Variants in OXNAD1 observed in about 807,000 individuals in gnomAD.
OXNAD1 encodes oxidoreductase NAD binding domain containing 1.
In OXNAD1, 34 loss-of-function variants were observed where a neutral mutation model predicts 32.9. The observed-to-expected ratio is 1.03, with a 90% CI of 0.79 to 1.38. The LOEUF (loss-of-function observed/expected upper bound fraction) is 1.38. OXNAD1 is among the 40% of genes most tolerant of loss of function. The probability of loss-of-function intolerance (pLI) is 0.00; values close to 1 mark genes in which losing one functional copy is unlikely to be tolerated. For synonymous variants in OXNAD1, 134 were observed against 135.2 expected (o/e 0.99, Z 0.06); for missense variants, 407 against 379.4 (o/e 1.07, Z -0.60).
At chr3:16,295,087 C>G in intron 6 of OXNAD1, 90 bp downstream of exon 6, 1 of 1,422,600 alleles carries the variant, frequency 7.0e-7, no homozygotes, top group African/African-American at 1.4e-5. Context: ...ACCTAAGAAA[C>G]CTGGGCTTGA....
At position 16,348,559 on chromosome 3, in the gene OXNAD1, A is replaced by C. The variant is rs2071887605; in HGVS notation, c.*31-617A>C. On this transcript the variant is annotated intron_variant, in intron 9 of 9. Transcript: ENST00000606098. This position sits in a 1 kb window ranked among gnomAD's most constrained non-coding sequence, Gnocchi z 6.3. Reference sequence around the variant, plus strand: ...CTCTCCCAGGGCACTTCTGGTCAGCAGGGCACAATTAGCCTTGAATGCCTT... The same window carrying C: ...CTCTCCCAGGGCACTTCTGGTCAGCCGGGCACAATTAGCCTTGAATGCCTT... Among the ~76,000 whole-genome samples, 1 of 152,106 alleles carries C rather than the reference A, an allele frequency of 6.6e-6. No individual in the cohort carries two copies. Among genetic ancestry groups the C allele is most frequent in the Admixed American group, 6.5e-5 (1 of 15,278 alleles).
At chr3:16,326,737 G>A (rs541489584) in intron 9 of OXNAD1, 1 of 1,476,952 alleles carries the variant, frequency 6.8e-7, no homozygotes, top group Admixed American at 1.7e-5. Context: ...CAGAGTAAGT[G>A]TTCAATAGAA....
intron 9 of OXNAD1, chr3:16,323,507 C>A: frequency 7.7e-7 from 1 of 1,299,350 alleles, no homozygotes; most frequent in Non-Finnish European, 1.1e-6. Flanking sequence ...TAGAGGAACC[C>A]AAAACCTGAC....
chr3:16,301,046 C>T lies in OXNAD1; in HGVS notation c.433-580C>T, dbSNP rs137951191. ...TATGTGATACTCCCTAGTATGAAGC[C>T]TCTGGCTGCCTGTTCTTGTTTCTCT... is the stretch of plus-strand genomic sequence containing the variant. On this transcript the variant is annotated intron_variant, in intron 6 of 8. Coordinates refer to ENST00000285083, the MANE Select transcript of OXNAD1 (RefSeq NM_138381.5). The surrounding 1 kb of genome is among the most constrained non-coding windows in gnomAD (Gnocchi z 4.1). Among the ~76,000 whole-genome samples, 261 of 152,298 alleles carry T rather than the reference C, an allele frequency of 1.7e-3. No individual in the cohort carries two copies. The highest frequency in any genetic ancestry group is 6.0e-3 in the African/African-American group (251 of 41,550).
downstream of OXNAD1, among the ~76,000 whole-genome samples, chr3:16,350,477 A>C (rs1350200124): frequency 6.7e-6 from 1 of 149,118 alleles, no homozygotes; most frequent in Non-Finnish European, 1.5e-5. Flanking sequence ...AATGAGCTCA[A>C]GCTGAGATGA....
chr3:16,302,578 T>C lies in OXNAD1; in HGVS notation c.676-62T>C. 1 of 1,114,548 alleles carries C rather than the reference T, an allele frequency of 9.0e-7. No individual in the cohort carries two copies. Among genetic ancestry groups the C allele is most frequent in the Non-Finnish European group, 1.3e-6 (1 of 749,918 alleles). The allele number at this position is 1,114,548 out of a possible 1,614,324, so 69.0% of individuals were successfully genotyped here. On this transcript the variant is annotated intron_variant, in intron 7 of 8. Coordinates refer to ENST00000285083, the MANE Select transcript of OXNAD1 (RefSeq NM_138381.5). The surrounding 1 kb of genome is among the most constrained non-coding windows in gnomAD (Gnocchi z 4.2). ...GGGAGTTGAGGTTCAGCGTCAATGG[T>C]TGTGCACATCTGTTTTGATTTTTTA... is the stretch of plus-strand genomic sequence containing the variant.
At chr3:16,319,127 GTC>G (rs2068757792) in intron 9 of OXNAD1, among the ~76,000 whole-genome samples, 1 of 152,184 alleles carries the variant, frequency 6.6e-6, no homozygotes, top group South Asian at 2.1e-4. Flanking sequence ...AAATGTAAGA[GTC>G]TCTCCTTTTT....
chr3:16,309,289 G>C (rs1255008897), downstream of OXNAD1, among the ~76,000 whole-genome samples: 1 of 152,132 alleles, frequency 6.6e-6, no homozygotes, highest in Non-Finnish European at 1.5e-5. Context: ...ACATACTCCT[G>C]TAGAATTACT....
intron 4 of OXNAD1, among the ~76,000 whole-genome samples, chr3:16,285,699 G>A (rs192889143): frequency 7.2e-5 from 11 of 152,244 alleles, no homozygotes; most frequent in African/African-American, 2.2e-4. Context: ...TCTTTTTATT[G>A]TTAAGATTGT....
Position 16,319,290 on chromosome 3 carries a change from C to T in OXNAD1, c.*30+15698C>T, listed in dbSNP as rs539481691. ...GAAGTCAGAGGAAGTTTTACTGTTGCCAAAAAAGTGGTGATTGTTTTGGCT... is the reference window on the plus strand; with the variant it reads ...GAAGTCAGAGGAAGTTTTACTGTTGTCAAAAAAGTGGTGATTGTTTTGGCT... On this transcript the variant is annotated intron_variant, in intron 9 of 9. Transcript: ENST00000435829. 4.6e-5 allele frequency among the ~76,000 whole-genome samples: 7 copies of T among 152,256 alleles called. No individual in the cohort carries two copies. In the East Asian group the frequency reaches 1.3e-3, roughly 29 times the overall value.
At position 16,302,889 on chromosome 3, in the gene OXNAD1, A is replaced by C; in HGVS notation, c.784+141A>C. ...GGGGAATTGGGATGATTCCTCATGG[A>C]AAAATGGATATTTAGTTGGGTTTAC... On this transcript the variant is annotated intron_variant, in intron 8 of 8. Transcript: ENST00000285083. The surrounding 1 kb of genome is among the most constrained non-coding windows in gnomAD (Gnocchi z 4.2). 1.4e-6 allele frequency: 1 copy of C among 692,952 alleles called. No individual in the cohort carries two copies. The highest frequency in any genetic ancestry group is 2.5e-6 in the Non-Finnish European group (1 of 397,668). The allele number at this position is 692,952 out of a possible 1,614,324, so 42.9% of individuals were successfully genotyped here.
In OXNAD1 at chr3:16,297,614, T is replaced by G. The variant is rs2066891535; in HGVS notation, c.432+2617T>G. Among the ~76,000 whole-genome samples, 1 of 152,158 alleles carries G rather than the reference T, an allele frequency of 6.6e-6. No homozygotes were observed. Among genetic ancestry groups the G allele is most frequent in the Non-Finnish European group, 1.5e-5 (1 of 68,032 alleles). Reference sequence around the variant, plus strand: ...AACAACCCAAATGTCCCTCAGCAGGTGAATGGATAACTTGTGATATAGTCA... The same window carrying G: ...AACAACCCAAATGTCCCTCAGCAGGGGAATGGATAACTTGTGATATAGTCA... On this transcript the variant is annotated intron_variant, in intron 6 of 8. Transcript: ENST00000285083. This position sits in a 1 kb window ranked among gnomAD's most constrained non-coding sequence, Gnocchi z 4.3.
chr3:16,299,705 C>T lies in OXNAD1; in HGVS notation c.433-1921C>T, dbSNP rs1159144772. On this transcript the variant is annotated intron_variant, in intron 6 of 8. Coordinates refer to ENST00000285083, the MANE Select transcript of OXNAD1 (RefSeq NM_138381.5). The surrounding 1 kb of genome is among the most constrained non-coding windows in gnomAD (Gnocchi z 4.4). ...AGGTGTGAATGCTAAGGGTTTGGTT[C>T]TCAAAAAGCACGCGATGTGTTATTA... Among the ~76,000 whole-genome samples, 2 of 152,160 alleles carry T rather than the reference C, an allele frequency of 1.3e-5. No individual in the cohort carries two copies. Among genetic ancestry groups the T allele is most frequent in the Non-Finnish European group, 2.9e-5 (2 of 68,026 alleles).
intron 6 of OXNAD1, among the ~76,000 whole-genome samples, chr3:16,295,400 C>T (rs1295272272): frequency 6.6e-6 from 1 of 152,172 alleles, no homozygotes; most frequent in African/African-American, 2.4e-5. Flanking sequence ...TTACATAGTA[C>T]TGCTTCTTCC....
chr3:16,270,304 C>G, intron 2 of OXNAD1, among the ~76,000 whole-genome samples: 1 of 152,172 alleles, frequency 6.6e-6, no homozygotes, highest in Non-Finnish European at 1.5e-5. Flanking sequence ...TGGCTTCTTT[C>G]ATTCAGTATG....
In OXNAD1 at chr3:16,329,125, T is replaced by G. The variant is rs1256600038; in HGVS notation, c.*31-7987T>G. Among the ~76,000 whole-genome samples the G allele has an allele frequency of 1.3e-5, 2 of 152,206 alleles. No homozygotes were observed. The highest frequency in any genetic ancestry group is 4.8e-5 in the African/African-American group (2 of 41,468). ...TTAATGCCAACTCAGGCAAAGGGCT[T>G]GAGGCTACAAGTTCAGTCTCCTGCT... On this transcript the variant is annotated intron_variant, in intron 9 of 9. Transcript: ENST00000435829. The surrounding 1 kb of genome is among the most constrained non-coding windows in gnomAD (Gnocchi z 4.5).
rs533308807 is a variant in OXNAD1 at position 16,316,008 on chromosome 3, C to T, written c.*30+12416C>T. The stretch of plus-strand genomic sequence containing the variant: ...TTCTGGACGATATACACATGATAAA[C>T]ACAGCATACATGGGTAACAACTTGA... On this transcript the variant is annotated intron_variant, in intron 9 of 9. Coordinates refer to the OXNAD1 transcript ENST00000435829. This position sits in a 1 kb window ranked among gnomAD's most constrained non-coding sequence, Gnocchi z 4.5. 1.3e-5 allele frequency: 2 copies of T among 152,436 alleles called. No homozygotes were observed. Among genetic ancestry groups the T allele is most frequent in the African/African-American group, 4.8e-5 (2 of 41,538 alleles). The allele number at this position is 152,436 out of a possible 1,614,324, so 9.4% of individuals were successfully genotyped here. A position where few individuals can be genotyped will look rare whatever the true frequency, so the allele number is the denominator to read the frequency against.
At chr3:16,295,520 ACT>A (rs1252876605) in intron 6 of OXNAD1, among the ~76,000 whole-genome samples, 1 of 152,090 alleles carries the variant, frequency 6.6e-6, no homozygotes, top group Non-Finnish European at 1.5e-5. Context: ...GCTGTTAATA[ACT>A]CTTATTTCAC....
chr3:16,287,150 A>G lies in OXNAD1; in HGVS notation c.290+702A>G, dbSNP rs2066131410. Among the ~76,000 whole-genome samples, 1 of 152,166 alleles carries G rather than the reference A, an allele frequency of 6.6e-6. No homozygotes were observed. Among genetic ancestry groups the G allele is most frequent in the Admixed American group, 6.5e-5 (1 of 15,274 alleles). ...TTCAAGTTCAATTGTAAGGAAAGCA[A>G]CTTGAATTTCCCTAGGAAAGGTGTG... On this transcript the variant is annotated intron_variant, in intron 5 of 8. Coordinates refer to ENST00000285083, the MANE Select transcript of OXNAD1 (RefSeq NM_138381.5). This position sits in a 1 kb window ranked among gnomAD's most constrained non-coding sequence, Gnocchi z 4.8.
Sources: gnomAD v4.1 joint callset for allele counts (sites outside exome capture counted in the v4.1 genomes callset) on GRCh38, gnomAD v4.1.1 for gene constraint, Gnocchi (gnomAD v3.1) non-coding constraint, MANE v1.5 for transcripts, NCBI Gene and HGNC (gene_info 2026-07-23, HGNC 2026-07-21) for gene names.